The following TLN2 variants were observed in gnomAD, a reference collection of about 807,000 sequenced individuals.
The protein encoded by TLN2 is talin 2, also known as talin-2.
TLN2 carries 118 observed loss-of-function variants against 294.7 expected under a neutral mutation model. The ratio of observed to expected loss-of-function variants is 0.40; its 90% CI spans 0.34 to 0.47. The LOEUF is 0.47. Among genes scored for constraint, TLN2 ranks in the 20% least tolerant of loss-of-function variants. The probability of loss-of-function intolerance (pLI) is 0.84; values close to 1 mark genes in which losing one functional copy is unlikely to be tolerated. For missense variants in TLN2, 3,083 were observed against 3,282.2 expected, an observed-to-expected ratio of 0.94 and a Z score of 1.48; for synonymous variants, 1,431 against 1,304.5, an observed-to-expected ratio of 1.10 and a Z score of -2.09.
intron 1 of TLN2, among the ~76,000 whole-genome samples, chr15:62,488,444 G>A (rs961782209): frequency 2.0e-5 from 3 of 152,134 alleles, no homozygotes; most frequent in Non-Finnish European, 4.4e-5. Flanking sequence ...GTAAGACAAG[G>A]GCAGTAATTA....
At chr15:62,443,874 C>T (rs1399085247) in intron 1 of TLN2, among the ~76,000 whole-genome samples, 1 of 152,186 alleles carries the variant, frequency 6.6e-6, no homozygotes, top group East Asian at 1.9e-4. Context: ...TGATATGTGG[C>T]TGTAGTCCTA....
At chr15:62,744,404 A>AT (rs71131126) in intron 32 of TLN2, among the ~76,000 whole-genome samples, 2,011 of 124,998 alleles carry the variant, frequency 0.016, 34 homozygotes, top group African/African-American at 0.047. Flanking sequence ...GTTATTTTTA[A>AT]TTTTTTTTTT....
intron 37 of TLN2, among the ~76,000 whole-genome samples, chr15:62,760,890 C>G (rs1488845069): frequency 6.6e-6 from 1 of 152,028 alleles, no homozygotes; most frequent in African/African-American, 2.4e-5. Context: ...GTGGAACACC[C>G]CTTGGTAACT....
chr15:62,567,874 T>C (rs1048579351), intron 1 of TLN2, among the ~76,000 whole-genome samples: 5 of 152,082 alleles, frequency 3.3e-5, no homozygotes, highest in African/African-American at 1.2e-4. Flanking sequence ...TGCTTGAATG[T>C]GAAATGTGTA....
At chr15:62,792,828 C>T (rs773421948) in intron 46 of TLN2, 41 bp downstream of exon 46, 12 of 1,609,454 alleles carry the variant, frequency 7.5e-6, no homozygotes, top group Non-Finnish European at 8.5e-6. Flanking sequence ...AGAACCTGCG[C>T]TGGCTCTCAG....
In TLN2 at chr15:62,517,101, G is replaced by T. The variant is rs181705810; in HGVS notation, c.-237-72586G>T. Among the ~76,000 whole-genome samples, 525 of 152,314 alleles carry T rather than the reference G, an allele frequency of 3.4e-3. 2 individuals are homozygous for T. The highest frequency in any genetic ancestry group is 5.1e-3 in the Non-Finnish European group (347 of 68,034). On this transcript the variant is annotated intron_variant, in intron 1 of 58. Coordinates refer to ENST00000636159, the MANE Select transcript of TLN2 (RefSeq NM_015059.3). ...GCTAATAATATTTCAGTGGCTGGTG[G>T]ATGTTCTGAAGCCAAGGATGGCGAG...
chr15:62,505,130 T>G (rs1361678992), intron 1 of TLN2, among the ~76,000 whole-genome samples: 3 of 152,002 alleles, frequency 2.0e-5, no homozygotes, highest in Non-Finnish European at 4.4e-5. Flanking sequence ...CTAATTTTTT[T>G]GTATTTTTAG....
chr15:62,470,641 G>T (rs1285694129), intron 1 of TLN2, among the ~76,000 whole-genome samples: 1 of 152,222 alleles, frequency 6.6e-6, no homozygotes, highest in African/African-American at 2.4e-5. Context: ...ATGGTATGCA[G>T]TTCTCAAGTG....
At chr15:62,409,895 G>T (rs1185073423) in intron 1 of TLN2, among the ~76,000 whole-genome samples, 2 of 152,152 alleles carry the variant, frequency 1.3e-5, no homozygotes, top group African/African-American at 4.8e-5. Context: ...CTAAAGACAA[G>T]ATTTTTAGTT....
chr15:62,783,936 G>T (rs764382241), intron 45 of TLN2, 46 bp downstream of exon 45: 2 of 1,608,544 alleles, frequency 1.2e-6, no homozygotes, highest in Non-Finnish European at 1.7e-6. Flanking sequence ...ACACACACTG[G>T]TGCCCACTCC....
chr15:62,711,783 A>G, intron 21 of TLN2, 128 bp from the exon 22 acceptor site: 1 of 1,028,270 alleles, frequency 9.7e-7, no homozygotes, highest in East Asian at 2.6e-5. Flanking sequence ...TTAGGACTAG[A>G]GCATGGAGGT....
At chr15:62,787,647 A>C (rs2064777034) in intron 45 of TLN2, among the ~76,000 whole-genome samples, 1 of 151,164 alleles carries the variant, frequency 6.6e-6, no homozygotes, top group African/African-American at 2.4e-5. Context: ...ATTTACTGAG[A>C]AGCTCACTAT....
In TLN2 at chr15:62,722,223, A is replaced by C. The variant is rs1027878665; in HGVS notation, c.2992-130A>C. 2.8e-4 allele frequency: 287 copies of C among 1,040,912 alleles called. 1 individual carries two copies. Among genetic ancestry groups the C allele is most frequent in the Non-Finnish European group, 3.4e-4 (256 of 748,832 alleles). 64.5% of individuals were successfully genotyped at this position (1,040,912 alleles called of 1,614,324 possible). The stretch of plus-strand genomic sequence containing the variant: ...GGTGGCAGTTTGGGAATAGGGGATG[A>C]GTTGTTTAATATTCCTTTTTTTTAG... On this transcript the variant is annotated intron_variant, in intron 25 of 58. Coordinates refer to ENST00000636159, the MANE Select transcript of TLN2 (RefSeq NM_015059.3).
intron 9 of TLN2, among the ~76,000 whole-genome samples, chr15:62,671,156 G>GT (rs1318028360): frequency 1.1e-4 from 17 of 151,980 alleles, no homozygotes; most frequent in South Asian, 4.2e-4. Context: ...TCAGTTAAAG[G>GT]TTTTTTATAT....
intron 1 of TLN2, among the ~76,000 whole-genome samples, chr15:62,449,105 A>G (rs1004274015): frequency 2.0e-5 from 3 of 152,244 alleles, no homozygotes; most frequent in Non-Finnish European, 4.4e-5. Context: ...AGCAGGAGAC[A>G]TAACGTGTCA....
chr15:62,605,731 A>G (rs1246205160), intron 2 of TLN2, among the ~76,000 whole-genome samples: 1 of 152,190 alleles, frequency 6.6e-6, no homozygotes, highest in African/African-American at 2.4e-5. Context: ...AGAGTCACCT[A>G]TAAGCCCATG....
At chr15:62,789,536 C>T (rs1379783555) in intron 45 of TLN2, among the ~76,000 whole-genome samples, 1 of 152,114 alleles carries the variant, frequency 6.6e-6, no homozygotes, top group Non-Finnish European at 1.5e-5. Flanking sequence ...TGGGGTGGCA[C>T]TAAGGGAACA....
At chr15:62,424,198 G>A (rs1262814187) in intron 1 of TLN2, among the ~76,000 whole-genome samples, 1 of 152,190 alleles carries the variant, frequency 6.6e-6, no homozygotes, top group Admixed American at 6.5e-5. Flanking sequence ...CACATAGCAT[G>A]GAGCCTTAAG....
At chr15:62,499,903 GCAAAGTTT>G (rs2039217250) in intron 1 of TLN2, among the ~76,000 whole-genome samples, 1 of 152,034 alleles carries the variant, frequency 6.6e-6, no homozygotes, top group Non-Finnish European at 1.5e-5. Context: ...GCTCCTGGCT[GCAAAGTTT>G]CAAAGTTTCT....
Sources: allele counts gnomAD v4.1 joint callset (sites outside exome capture counted in the v4.1 genomes callset), GRCh38; gene constraint gnomAD v4.1.1; transcripts MANE v1.5; gene names NCBI Gene and HGNC (gene_info 2026-07-23, HGNC 2026-07-21).